Variants in TMEM67 observed in about 807,000 individuals in gnomAD.
The protein encoded by TMEM67 is transmembrane protein 67, also known as meckelin.
In TMEM67, 124 loss-of-function variants were observed where a neutral mutation model predicts 136.6. The ratio of observed to expected loss-of-function variants is 0.91; its 90% CI spans 0.78 to 1.05. TMEM67 has a LOEUF of 1.05. Ranked by LOEUF, TMEM67 falls within the 50% of genes least tolerant of loss-of-function variation. The pLI is 0.00. For missense variants in TMEM67, 1,107 were observed against 1,178.4 expected (o/e 0.94, Z 0.89); for synonymous variants, 364 against 390.5 (o/e 0.93, Z 0.80).
intron 6 of TMEM67, among the ~76,000 whole-genome samples, chr8:93,765,980 C>A (rs1813066034): frequency 6.6e-6 from 1 of 151,994 alleles, no homozygotes; most frequent in African/African-American, 2.4e-5. Context: ...AGTTTGGTAT[C>A]CTTGGACCTT....
intron 14 of TMEM67, among the ~76,000 whole-genome samples, chr8:93,791,040 T>G (rs1256969935): frequency 6.6e-6 from 1 of 152,216 alleles, no homozygotes; most frequent in Non-Finnish European, 1.5e-5. Context: ...TATCTCCTAA[T>G]GAGCCCCTTT....
At chr8:93,786,153 C>T in intron 12 of TMEM67, 70 bp from the exon 13 acceptor site, 1 of 1,490,052 alleles carries the variant, frequency 6.7e-7, no homozygotes, top group South Asian at 1.2e-5. Context: ...TTTTTGCAGC[C>T]ATCTTATCTA....
At chr8:93,823,069 A>G (rs1367006665), downstream of TMEM67, among the ~76,000 whole-genome samples, 1 of 152,224 alleles carries the variant, frequency 6.6e-6, no homozygotes, top group African/African-American at 2.4e-5. Flanking sequence ...AAAGCATAGT[A>G]AGTACTGTGT....
At chr8:93,777,384 C>T (rs1233217862) in intron 7 of TMEM67, among the ~76,000 whole-genome samples, 1 of 152,076 alleles carries the variant, frequency 6.6e-6, no homozygotes, top group African/African-American at 2.4e-5. Context: ...TATTTCCTGC[C>T]TTCTGCTCTC....
At chr8:93,786,995 A>G (rs1229972072) in intron 13 of TMEM67, among the ~76,000 whole-genome samples, 1 of 152,228 alleles carries the variant, frequency 6.6e-6, no homozygotes, top group Non-Finnish European at 1.5e-5. Context: ...TCTTATAAAC[A>G]GTGCAGAAAC....
chr8:93,786,922 G>A (rs1473880667), intron 13 of TMEM67, among the ~76,000 whole-genome samples: 2 of 152,160 alleles, frequency 1.3e-5, no homozygotes, highest in African/African-American at 4.8e-5. Flanking sequence ...TCTCACAGTA[G>A]TTTGGTACTT....
At chr8:93,785,445 T>A (rs1814051989) in intron 12 of TMEM67, 67 bp downstream of exon 12, 1 of 1,459,494 alleles carries the variant, frequency 6.9e-7, no homozygotes, top group African/African-American at 1.4e-5. Flanking sequence ...ACCTACATGA[T>A]AATTTAATAA....
intron 21 of TMEM67, among the ~76,000 whole-genome samples, chr8:93,801,071 A>G (rs60809398): frequency 0.014 from 2,179 of 152,184 alleles, 60 homozygotes; most frequent in African/African-American, 0.048. Flanking sequence ...ACTTTCAGAT[A>G]CTCATAAACA....
chr8:93,787,816 T>A, intron 13 of TMEM67, 28 bp from the exon 14 acceptor site: 2 of 1,515,954 alleles, frequency 1.3e-6, no homozygotes, highest in Non-Finnish European at 1.8e-6. Flanking sequence ...ATATACTGAT[T>A]ACTATAAATG....
Position 93,758,523 on chromosome 8 carries a change from C to G in TMEM67, c.353C>G (p.Pro118Arg). 1 of 1,613,966 alleles carries G rather than the reference C, an allele frequency of 6.2e-7. No individual in the cohort carries two copies. The highest frequency in any genetic ancestry group is 1.1e-5 in the South Asian group (1 of 91,028). The change falls in exon 3 of 28, where the codon CCT (proline) becomes CGT (arginine). Residue 118 changes from proline to arginine, a missense_variant. Pro to Arg is a moderately radical substitution (Grantham distance 103). Transcript: ENST00000453321. ...GATGGCTGGAACTGCATTTCTTGCC[C>G]TAGTGACTTAACTGCCGAAGGAAAA... ...TEDGWNCISC[P>R]SDLTAEGKCH...
Position 93,816,431 on chromosome 8 carries a change from GGATCAAA to G in TMEM67, c.2971_2977del (p.Gln991PhefsTer2), listed in dbSNP as rs746417480. 6.3e-7 allele frequency: 1 copy of G among 1,594,442 alleles called. No homozygotes were observed. Among genetic ancestry groups the G allele is most frequent in the South Asian group, 1.1e-5 (1 of 89,578 alleles). On this transcript the variant is annotated frameshift_variant, in exon 28 of 28. Transcript: ENST00000453321. LOFTEE classifies it high-confidence loss of function. ...AGAATTTGGCATCCAAAACATTGGT[GGATCAAA>G]GATTTTTGATTTAACTTCCTGAATA... is the stretch of plus-strand genomic sequence containing the variant.
rs776653840 is a variant in TMEM67 at position 93,781,662 on chromosome 8, C to T, written c.983C>T (p.Thr328Ile). Reference protein sequence around the residue: ...NFSFKGENQNTKLKFVAASYD... With the variant: ...NFSFKGENQNIKLKFVAASYD... ...TTGCTCGTTTTCTTTAATCAGAATA[C>T]AAAACTGAAGTTTGTTGCTGCTTCC... The change falls in exon 10 of 28, where the codon ACA (threonine) becomes ATA (isoleucine). Residue 328 changes from threonine to isoleucine, a missense_variant. Around this residue, in one of 3 missense-constraint regions of TMEM67, gnomAD observed 925 missense variants for 1,002.4 expected, o/e 0.92. Transcript: ENST00000453321. 6 of 1,583,504 alleles carry T rather than the reference C, an allele frequency of 3.8e-6. No homozygotes were observed. The highest frequency in any genetic ancestry group is 3.5e-6 in the Non-Finnish European group (4 of 1,157,088).
At chr8:93,810,258 CA>C in intron 26 of TMEM67, among the ~76,000 whole-genome samples, 1 of 148,908 alleles carries the variant, frequency 6.7e-6, no homozygotes, top group African/African-American at 2.4e-5. Context: ...CATGAGCCAC[CA>C]CCCCCAGCTG....
the TMEM67 span, among the ~76,000 whole-genome samples, chr8:93,824,348 A>C: frequency 6.6e-6 from 1 of 152,104 alleles, no homozygotes; most frequent in Non-Finnish European, 1.5e-5. Context: ...TGCCAGGGAG[A>C]CTCATTAAAT....
In TMEM67 at chr8:93,809,844, A is replaced by T. The variant is rs1387777512; in HGVS notation, c.2721A>T (p.Gly907=). ...AGTTGCTTCTTGAAAGAATTCTTGG[A>T]ATGGAATTCATGGAACCAATGGAAA... ...KDKLLLERIL[G]MEFMEPMEKS... The change falls in exon 26 of 28, where the codon GGA becomes GGT. Residue 907 remains glycine, a synonymous_variant. Transcript: ENST00000453321. 6.2e-7 allele frequency: 1 copy of T among 1,609,088 alleles called. No individual in the cohort carries two copies. The highest frequency in any genetic ancestry group is 1.7e-5 in the Admixed American group (1 of 59,954).
chr8:93,768,863 T>C (rs1253739241), intron 6 of TMEM67, among the ~76,000 whole-genome samples: 1 of 152,062 alleles, frequency 6.6e-6, no homozygotes, highest in Non-Finnish European at 1.5e-5. Flanking sequence ...TAGACTTCTT[T>C]GATAGGTGGG....
At chr8:93,808,525 CTATATATATCTATAATCTATATATA>C (rs1808552389) in intron 23 of TMEM67, among the ~76,000 whole-genome samples, 1 of 16,234 alleles carries the variant, frequency 6.2e-5, no homozygotes, top group African/African-American at 2.3e-4. Flanking sequence ...TATTTATAAT[CTATATATATCTATAATCTATATATA>C]TCTATAATAT....
Position 93,797,164 on chromosome 8 carries a change from C to G in TMEM67, c.1891C>G (p.Gln631Glu). Reference sequence around the variant, plus strand: ...ACAATTTTTGCATAAGCTCATATCCCAGATTACAATAGATGTATTCTTTAT... The same window carrying G: ...ACAATTTTTGCATAAGCTCATATCCGAGATTACAATAGATGTATTCTTTAT... Reference protein sequence around the residue: ...ALQFLHKLISQITIDVFFIDW... With the variant: ...ALQFLHKLISEITIDVFFIDW... The change falls in exon 19 of 28, where the codon CAG (glutamine) becomes GAG (glutamate). Residue 631 changes from glutamine to glutamate, a missense_variant. Coordinates refer to ENST00000453321, the MANE Select transcript of TMEM67 (RefSeq NM_153704.6). The G allele has an allele frequency of 6.2e-7, 1 of 1,612,076 alleles. No individual in the cohort carries two copies. Among genetic ancestry groups the G allele is most frequent in the Non-Finnish European group, 8.5e-7 (1 of 1,178,396 alleles).
At chr8:93,768,510 T>G (rs1380504708) in intron 6 of TMEM67, among the ~76,000 whole-genome samples, 2 of 151,984 alleles carry the variant, frequency 1.3e-5, no homozygotes, top group Non-Finnish European at 2.9e-5. Context: ...CTCAAGAGGC[T>G]AAGACGGGAG....
Sources: allele counts gnomAD v4.1 joint callset (sites outside exome capture counted in the v4.1 genomes callset), GRCh38; gene constraint gnomAD v4.1.1; regional missense constraint gnomAD v4.1.1; transcripts MANE v1.5; gene names NCBI Gene and HGNC (gene_info 2026-07-23, HGNC 2026-07-21).